The following AUTS2 variants were observed in gnomAD, a reference collection of about 807,000 sequenced individuals.
The protein encoded by AUTS2 is autism susceptibility gene 2 protein.
AUTS2 carries 17 observed loss-of-function variants against 112.4 expected under a neutral mutation model. The observed-to-expected ratio is 0.15, with a 90% CI of 0.10 to 0.23. The LOEUF (loss-of-function observed/expected upper bound fraction) is 0.23. Among genes scored for constraint, AUTS2 ranks in the 10% least tolerant of loss-of-function variants. The pLI is 1.00. For missense variants in AUTS2, 1,510 were observed against 1,701.6 expected (o/e 0.89, Z 1.98); for synonymous variants, 751 against 702.7 (o/e 1.07, Z -1.09).
intron 4 of AUTS2, among the ~76,000 whole-genome samples, chr7:70,240,401 G>A (rs1032458495): frequency 2.0e-5 from 3 of 152,160 alleles, no homozygotes; most frequent in Non-Finnish European, 4.4e-5. Flanking sequence ...TGGGGATTTT[G>A]TAAAGTGCCT....
intron 1 of AUTS2, among the ~76,000 whole-genome samples, chr7:69,701,635 G>A (rs1026089995): frequency 6.6e-6 from 1 of 152,236 alleles, no homozygotes; most frequent in African/African-American, 2.4e-5. Flanking sequence ...ATTCGTAAGT[G>A]AAATAAGGAT....
chr7:69,599,107 C>G lies in AUTS2; in HGVS notation c.-547C>G, dbSNP rs1338573020. ...GAGGCGGCGGGGGTGTTTTCCTGCG[C>G]GAGGGGCGGGTGAAGTTCATTGCCC... On this transcript the variant is annotated 5_prime_UTR_variant, in exon 1 of 19. Coordinates refer to ENST00000342771, the MANE Select transcript of AUTS2 (RefSeq NM_015570.4). The surrounding 1 kb of genome is among the most constrained non-coding windows in gnomAD (Gnocchi z 7.0). 1 of 147,100 alleles carries G rather than the reference C, an allele frequency of 6.8e-6. No individual in the cohort carries two copies. Among genetic ancestry groups the G allele is most frequent in the East Asian group, 2.1e-4 (1 of 4,844 alleles). 9.1% of individuals were successfully genotyped at this position (147,100 alleles called of 1,614,324 possible). A position where few individuals can be genotyped will look rare whatever the true frequency, so the allele number is the denominator to read the frequency against.
intron 6 of AUTS2, among the ~76,000 whole-genome samples, chr7:70,734,376 C>T (rs933225304): frequency 2.0e-5 from 3 of 151,706 alleles, no homozygotes; most frequent in Non-Finnish European, 4.4e-5. Flanking sequence ...GGAAGTGGAG[C>T]TTGCAGTGAG....
intron 2 of AUTS2, among the ~76,000 whole-genome samples, chr7:70,030,062 G>A (rs892293807): frequency 1.3e-5 from 2 of 152,178 alleles, no homozygotes; most frequent in African/African-American, 4.8e-5. Context: ...TTACTCACAA[G>A]TTCAGTGGCC....
intron 5 of AUTS2, among the ~76,000 whole-genome samples, chr7:70,617,065 G>A (rs1453687924): frequency 6.6e-6 from 1 of 152,148 alleles, no homozygotes; most frequent in African/African-American, 2.4e-5. Flanking sequence ...TTTTTCATGT[G>A]ATGGTAAGAC....
chr7:69,679,831 T>C (rs1307948675), intron 1 of AUTS2, among the ~76,000 whole-genome samples: 1 of 152,230 alleles, frequency 6.6e-6, no homozygotes, highest in East Asian at 1.9e-4. Context: ...TTATTTTAAC[T>C]GGATGAAATG....
chr7:70,166,570 TAAG>T (rs1423087983), intron 4 of AUTS2, among the ~76,000 whole-genome samples: 2 of 152,038 alleles, frequency 1.3e-5, no homozygotes, highest in African/African-American at 4.8e-5. Context: ...TATGATAAGT[TAAG>T]AACGTATATT....
intron 1 of AUTS2, among the ~76,000 whole-genome samples, chr7:69,862,452 C>T (rs1390894263): frequency 1.3e-5 from 2 of 152,162 alleles, no homozygotes; most frequent in Non-Finnish European, 1.5e-5. Flanking sequence ...TAGCTATAGA[C>T]ACTTTTCAGA....
intron 5 of AUTS2, among the ~76,000 whole-genome samples, chr7:70,612,660 G>C (rs1435344389): frequency 6.6e-6 from 1 of 152,094 alleles, no homozygotes; most frequent in African/African-American, 2.4e-5. Flanking sequence ...ATTTCAAGGA[G>C]ACTAACAAAT....
At position 69,599,896 on chromosome 7, in the gene AUTS2, C is replaced by A; in HGVS notation, c.243C>A (p.Thr81=). The A allele has an allele frequency of 2.5e-6, 4 of 1,613,590 alleles. No individual in the cohort carries two copies. The highest frequency in any genetic ancestry group is 2.5e-6 in the Non-Finnish European group (3 of 1,179,968). ...CGCGGAGGAAGCGGAGAGAGTCCAC[C>A]TCGGCAGAAGAGGACATCATTGATG... ...RPPRRKRRES[T]SAEEDIIDGF... Residue 81 remains threonine (T), a synonymous_variant, in exon 1 of 19, where the codon ACC becomes ACA. Transcript: ENST00000342771. This position sits in a 1 kb window ranked among gnomAD's most constrained non-coding sequence, Gnocchi z 7.0.
At chr7:70,368,194 A>G (rs1011188437) in intron 4 of AUTS2, among the ~76,000 whole-genome samples, 1 of 152,166 alleles carries the variant, frequency 6.6e-6, no homozygotes, top group African/African-American at 2.4e-5. Flanking sequence ...GATTAGTACT[A>G]CCTACCTCTT....
rs1181967556 is a variant in AUTS2 at position 70,791,482 on chromosome 7, CAT to C, written c.*488_*489del. On this transcript the variant is annotated 3_prime_UTR_variant, in exon 19 of 19. Coordinates refer to ENST00000342771, the MANE Select transcript of AUTS2 (RefSeq NM_015570.4). The stretch of plus-strand genomic sequence containing the variant: ...GTACAAATGTAAATAGATAAAGTAA[CAT>C]AATACATTAATACTTCTTAAAATGT... The C allele has an allele frequency of 2.0e-5, 3 of 153,540 alleles. No homozygotes were observed. The highest frequency in any genetic ancestry group is 4.4e-5 in the Non-Finnish European group (3 of 68,768). 9.5% of individuals were successfully genotyped at this position (153,540 alleles called of 1,614,324 possible).
At chr7:70,450,501 C>T (rs1391294015) in intron 5 of AUTS2, among the ~76,000 whole-genome samples, 2 of 152,196 alleles carry the variant, frequency 1.3e-5, no homozygotes, top group Non-Finnish European at 2.9e-5. Flanking sequence ...TGGAGAGAAG[C>T]ATGAAAACTT....
At chr7:69,943,046 A>G (rs1467132755) in intron 2 of AUTS2, among the ~76,000 whole-genome samples, 3 of 152,210 alleles carry the variant, frequency 2.0e-5, no homozygotes, top group Admixed American at 6.5e-5. Flanking sequence ...ACATGTGTAT[A>G]CATATACACA....
intron 5 of AUTS2, among the ~76,000 whole-genome samples, chr7:70,647,216 C>G (rs1806219185): frequency 6.6e-6 from 1 of 152,216 alleles, no homozygotes; most frequent in Non-Finnish European, 1.5e-5. Context: ...CACGTTTCCC[C>G]TCTACTCCAG....
At chr7:70,679,936 A>G (rs1808120194) in intron 5 of AUTS2, among the ~76,000 whole-genome samples, 1 of 152,214 alleles carries the variant, frequency 6.6e-6, no homozygotes, top group Non-Finnish European at 1.5e-5. Context: ...AAGCTGACAA[A>G]TGTGTTTAAT....
chr7:70,039,954 A>G (rs1027090728), intron 2 of AUTS2, among the ~76,000 whole-genome samples: 3 of 152,310 alleles, frequency 2.0e-5, no homozygotes, highest in African/African-American at 7.2e-5. Context: ...AGTAGAACCT[A>G]TTTAAATTTA....
At chr7:70,638,557 G>A (rs1174602437) in intron 5 of AUTS2, among the ~76,000 whole-genome samples, 4 of 150,622 alleles carry the variant, frequency 2.7e-5, no homozygotes, top group Admixed American at 1.3e-4. Context: ...ATCACTCACT[G>A]GAACTTATTT....
At chr7:70,111,998 C>T (rs1805112770) in intron 2 of AUTS2, among the ~76,000 whole-genome samples, 1 of 151,852 alleles carries the variant, frequency 6.6e-6, no homozygotes, top group South Asian at 2.1e-4. Context: ...TTAGAATTCT[C>T]TTCCTCTGAT....
Sources: gnomAD v4.1 joint callset for allele counts (sites outside exome capture counted in the v4.1 genomes callset) on GRCh38, gnomAD v4.1.1 for gene constraint, Gnocchi (gnomAD v3.1) non-coding constraint, MANE v1.5 for transcripts, NCBI Gene and HGNC (gene_info 2026-07-23, HGNC 2026-07-21) for gene names.